OR2L13: variants seen among roughly 807,000 people sequenced by gnomAD.
OR2L13 encodes olfactory receptor family 2 subfamily L member 13.
In OR2L13, 14 loss-of-function variants were observed where a neutral mutation model predicts 15.3. That is an observed-to-expected ratio of 0.91 (90% confidence interval 0.60 to 1.43). The LOEUF is 1.43. Among genes scored for constraint, OR2L13 ranks in the 40% most tolerant of loss-of-function variants. OR2L13 has a pLI of 0.00. For synonymous variants in OR2L13, 152 were observed against 142.9 expected (o/e 1.06, Z -0.45); for missense variants, 367 against 387.9 (o/e 0.95, Z 0.45).
chr1:248,034,766 T>C, the OR2L13 span, among the ~76,000 whole-genome samples: 1 of 152,336 alleles, frequency 6.6e-6, no homozygotes, highest in Admixed American at 6.5e-5. Flanking sequence ...ATCTCATTTT[T>C]AGATTGTTTA....
chr1:248,084,496 A>C, the OR2L13 span: 51 of 1,613,434 alleles, frequency 3.2e-5, no homozygotes, highest in East Asian at 4.2e-4. Flanking sequence ...CAGGGAGGTC[A>C]AAACGATACT....
chr1:248,066,733 T>C, the OR2L13 span, among the ~76,000 whole-genome samples: 3 of 152,224 alleles, frequency 2.0e-5, no homozygotes, highest in African/African-American at 7.2e-5. Context: ...TTTCCCTCTT[T>C]AAGGAAACTT....
the OR2L13 span, among the ~76,000 whole-genome samples, chr1:248,008,018 A>G: frequency 6.6e-6 from 1 of 152,170 alleles, no homozygotes; most frequent in East Asian, 1.9e-4. Context: ...AATTTTGGTT[A>G]ACATTAGAAG....
At chr1:248,000,980 G>A in the OR2L13 span, among the ~76,000 whole-genome samples, 15 of 151,790 alleles carry the variant, frequency 9.9e-5, no homozygotes, top group Middle Eastern at 3.4e-3. Context: ...GTGAGCCACC[G>A]TTATTTCAGA....
chr1:248,027,150 T>A, the OR2L13 span, among the ~76,000 whole-genome samples: 1 of 152,148 alleles, frequency 6.6e-6, no homozygotes, highest in Non-Finnish European at 1.5e-5. Flanking sequence ...AAATGGCCAC[T>A]TTGGGGATGG....
chr1:247,986,407 A>G, the OR2L13 span, among the ~76,000 whole-genome samples: 1 of 152,172 alleles, frequency 6.6e-6, no homozygotes, highest in Non-Finnish European at 1.5e-5. Context: ...GGTTTGTCAA[A>G]GATCAGATGG....
chr1:247,949,710 A>C, the OR2L13 span: 1 of 1,613,914 alleles, frequency 6.2e-7, no homozygotes, highest in Non-Finnish European at 8.5e-7. Context: ...CCCAATGCTC[A>C]ACCCCATCAT....
At chr1:247,993,807 G>GAGAGAGAGAAAGAGAA in the OR2L13 span, among the ~76,000 whole-genome samples, 2 of 129,020 alleles carry the variant, frequency 1.6e-5, no homozygotes, top group Admixed American at 7.3e-5. Flanking sequence ...GAGAGAGAGA[G>GAGAGAGAGAAAGAGAA]AGAGAAAGAA....
At chr1:247,981,319 G>A in the OR2L13 span, among the ~76,000 whole-genome samples, 2 of 151,954 alleles carry the variant, frequency 1.3e-5, no homozygotes, top group African/African-American at 4.8e-5. Context: ...ATGACATGAA[G>A]GTAAAGGCAA....
At chr1:248,070,358 C>T in the OR2L13 span, among the ~76,000 whole-genome samples, 1 of 151,966 alleles carries the variant, frequency 6.6e-6, no homozygotes, top group Non-Finnish European at 1.5e-5. Flanking sequence ...AACTGAACAA[C>T]CTGCTCCTGA....
intron 1 of OR2L13, among the ~76,000 whole-genome samples, chr1:248,098,258 T>C (rs940210615): frequency 6.6e-6 from 1 of 152,252 alleles, no homozygotes; most frequent in African/African-American, 2.4e-5. Flanking sequence ...AAATCCTTTG[T>C]GTTTCATCAC....
At chr1:248,069,982 T>G in the OR2L13 span, among the ~76,000 whole-genome samples, 1 of 151,962 alleles carries the variant, frequency 6.6e-6, no homozygotes, top group Non-Finnish European at 1.5e-5. Flanking sequence ...AAGCAAGTCC[T>G]GAGTGACCTA....
intron 1 of OR2L13, among the ~76,000 whole-genome samples, chr1:248,097,837 G>A (rs1243847341): frequency 6.6e-6 from 1 of 152,150 alleles, no homozygotes; most frequent in East Asian, 1.9e-4. Context: ...GGACATGTTG[G>A]GCATCCCCTA....
chr1:248,000,313 C>T, the OR2L13 span, among the ~76,000 whole-genome samples: 1 of 152,092 alleles, frequency 6.6e-6, no homozygotes, highest in Non-Finnish European at 1.5e-5. Flanking sequence ...AGACCATCCT[C>T]CTTGGTTCCC....
the OR2L13 span, among the ~76,000 whole-genome samples, chr1:247,997,565 CTG>C: frequency 6.6e-6 from 1 of 152,044 alleles, no homozygotes; most frequent in African/African-American, 2.4e-5. Context: ...ATAAACCAAA[CTG>C]AGAGAGAAAT....
the OR2L13 span, among the ~76,000 whole-genome samples, chr1:247,981,855 G>A: frequency 7.4e-5 from 11 of 148,512 alleles, no homozygotes; most frequent in Non-Finnish European, 1.2e-4. Context: ...TCGCTCTGTC[G>A]CCCAGGCTGG....
At chr1:247,975,736 A>G in the OR2L13 span, 1 of 489,192 alleles carries the variant, frequency 2.0e-6, no homozygotes. Flanking sequence ...GAAAAATAAT[A>G]TTCCATGCCA....
the OR2L13 span, among the ~76,000 whole-genome samples, chr1:248,011,047 C>T: frequency 2.0e-5 from 3 of 151,970 alleles, no homozygotes; most frequent in African/African-American, 4.8e-5. Flanking sequence ...TTCATAGTGT[C>T]GATGGTCTTT....
chr1:248,066,840 G>A, the OR2L13 span, among the ~76,000 whole-genome samples: 1 of 152,194 alleles, frequency 6.6e-6, no homozygotes, highest in Non-Finnish European at 1.5e-5. Context: ...GGTGAAGCTA[G>A]CAGTGCCAAT....
Sources: allele counts gnomAD v4.1 joint callset (sites outside exome capture counted in the v4.1 genomes callset), GRCh38; gene constraint gnomAD v4.1.1; transcripts MANE v1.5; gene names NCBI Gene and HGNC (gene_info 2026-07-23, HGNC 2026-07-21).